The following CA10 variants were observed in gnomAD, a reference collection of about 807,000 sequenced individuals.
CA10 encodes the protein carbonic anhydrase-related protein 10.
A neutral mutation model predicts 44.2 loss-of-function variants in CA10; 14 were observed. The ratio of observed to expected loss-of-function variants is 0.32; its 90% CI spans 0.21 to 0.50. CA10 has a LOEUF of 0.50. Among genes scored for constraint, CA10 ranks in the 20% least tolerant of loss-of-function variants. The probability of loss-of-function intolerance (pLI) is 0.99; values close to 1 mark genes in which losing one functional copy is unlikely to be tolerated. For missense variants in CA10, 350 were observed against 409.7 expected, an observed-to-expected ratio of 0.85 and a Z score of 1.26; for synonymous variants, 159 against 141.6, an observed-to-expected ratio of 1.12 and a Z score of -0.87.
At chr17:51,961,388 A>C (rs1330981961) in intron 2 of CA10, among the ~76,000 whole-genome samples, 1 of 152,174 alleles carries the variant, frequency 6.6e-6, no homozygotes, top group African/African-American at 2.4e-5. Context: ...AGGTTTCCAT[A>C]TTAAAATATT....
Position 51,633,637 on chromosome 17 carries a change from C to T in CA10, c.803G>A (p.Arg268His), listed in dbSNP as rs146043972. ...AGATGGCTGGTTCTGGCTGAGCAGG[C>T]GCAAGGAATGCATCTGAGGAGAGAG... ...YITRMQMHSL[R>H]LLSQNQPSQI... The change falls in exon 8 of 9, where the codon CGC becomes CAC. Residue 268 changes from arginine to histidine, a missense_variant. Transcript: ENST00000451037. The T allele has an allele frequency of 2.8e-5, 45 of 1,613,414 alleles. No individual in the cohort carries two copies. The highest frequency in any genetic ancestry group is 8.8e-5 in the South Asian group (8 of 90,962).
intron 3 of CA10, among the ~76,000 whole-genome samples, chr17:51,760,477 T>C (rs990326376): frequency 1.1e-4 from 16 of 151,982 alleles, no homozygotes; most frequent in Admixed American, 9.8e-4. Flanking sequence ...GGTGGCGGTA[T>C]GGAGGAGCAT....
chr17:51,745,776 A>G (rs931294101), intron 4 of CA10, among the ~76,000 whole-genome samples: 2 of 152,210 alleles, frequency 1.3e-5, no homozygotes, highest in African/African-American at 4.8e-5. Context: ...AAATATTTCT[A>G]CTCTGAAGCA....
intron 1 of CA10, among the ~76,000 whole-genome samples, chr17:52,075,226 C>T (rs894447649): frequency 2.6e-5 from 4 of 152,042 alleles, no homozygotes; most frequent in Non-Finnish European, 5.9e-5. Context: ...TTATATATTT[C>T]AATATGTAAA....
At chr17:52,075,637 C>T (rs1987798846) in intron 1 of CA10, among the ~76,000 whole-genome samples, 1 of 152,086 alleles carries the variant, frequency 6.6e-6, no homozygotes, top group Admixed American at 6.6e-5. Flanking sequence ...GCATCTCTGT[C>T]CCCCTTTAGT....
At chr17:52,131,444 T>G (rs2143349390) in intron 1 of CA10, among the ~76,000 whole-genome samples, 1 of 152,330 alleles carries the variant, frequency 6.6e-6, no homozygotes, top group African/African-American at 2.4e-5. Context: ...AATTCTCTTC[T>G]GAGTGATAGT....
intron 1 of CA10, among the ~76,000 whole-genome samples, chr17:52,127,742 T>G (rs1439965224): frequency 2.0e-5 from 3 of 152,216 alleles, no homozygotes; most frequent in South Asian, 2.1e-4. Context: ...GAACTCCTTT[T>G]TAATGCTTCT....
intron 2 of CA10, among the ~76,000 whole-genome samples, chr17:52,031,366 T>G (rs1986461798): frequency 6.6e-6 from 1 of 152,026 alleles, no homozygotes; most frequent in African/African-American, 2.4e-5. Context: ...GCCAGGCTGG[T>G]CTTAAACTCC....
chr17:51,669,854 A>C (rs547399602), intron 4 of CA10, among the ~76,000 whole-genome samples: 1 of 152,168 alleles, frequency 6.6e-6, no homozygotes, highest in Non-Finnish European at 1.5e-5. Context: ...TTTGGACACA[A>C]TATGGTTTGG....
At chr17:51,727,621 A>G (rs766651926) in intron 4 of CA10, among the ~76,000 whole-genome samples, 4 of 152,268 alleles carry the variant, frequency 2.6e-5, no homozygotes, top group African/African-American at 7.2e-5. Context: ...GATAATAATG[A>G]TATTTCCTTA....
chr17:51,631,821 T>C (rs1197947615), intron 8 of CA10, among the ~76,000 whole-genome samples: 1 of 152,216 alleles, frequency 6.6e-6, no homozygotes, highest in Non-Finnish European at 1.5e-5. Flanking sequence ...AGCTGCCATA[T>C]GTGGCTACTA....
chr17:52,112,623 G>A (rs1384120424), intron 1 of CA10, among the ~76,000 whole-genome samples: 1 of 152,184 alleles, frequency 6.6e-6, no homozygotes, highest in Non-Finnish European at 1.5e-5. Context: ...TAATCATCGT[G>A]AAGAAATGAA....
At chr17:51,940,817 A>G (rs57404846) in intron 2 of CA10, among the ~76,000 whole-genome samples, 12,077 of 152,042 alleles carry the variant, frequency 0.079, 502 homozygotes, top group African/African-American at 0.097. Context: ...TAAGCCAAAC[A>G]TGTTTTCTTC....
At chr17:51,703,007 T>C (rs993738038) in intron 4 of CA10, among the ~76,000 whole-genome samples, 3 of 152,176 alleles carry the variant, frequency 2.0e-5, no homozygotes, top group African/African-American at 7.2e-5. Context: ...GTTCTGTATG[T>C]ATCCTGCTGG....
chr17:51,887,329 G>A (rs965699295), intron 3 of CA10, among the ~76,000 whole-genome samples: 1 of 152,170 alleles, frequency 6.6e-6, no homozygotes, highest in Non-Finnish European at 1.5e-5. Context: ...GGCCCACAAG[G>A]CTGAAACACA....
intron 3 of CA10, among the ~76,000 whole-genome samples, chr17:51,830,195 C>CAAAAAAAAAAAAAAAAA (rs1220410518): frequency 1.9e-4 from 17 of 89,948 alleles, no homozygotes; most frequent in African/African-American, 3.4e-4. Flanking sequence ...GACTCCATCT[C>CAAAAAAAAAAAAAAAAA]AAAAAAAAAA....
intron 4 of CA10, among the ~76,000 whole-genome samples, chr17:51,660,272 C>T (rs1260692309): frequency 4.6e-5 from 7 of 152,100 alleles, no homozygotes; most frequent in East Asian, 1.9e-4. Flanking sequence ...CTAAGGGTAA[C>T]GAAGAATTTC....
At chr17:51,844,423 A>G (rs1239894531) in intron 3 of CA10, among the ~76,000 whole-genome samples, 1 of 152,204 alleles carries the variant, frequency 6.6e-6, no homozygotes, top group Non-Finnish European at 1.5e-5. Context: ...TACCTGAAAT[A>G]TTTTTCAAAT....
At chr17:51,786,872 T>C (rs1007916055) in intron 3 of CA10, among the ~76,000 whole-genome samples, 14 of 152,278 alleles carry the variant, frequency 9.2e-5, no homozygotes, top group African/African-American at 3.4e-4. Flanking sequence ...TTTTTGAGGA[T>C]TTTTATCATG....
Sources: allele counts gnomAD v4.1 joint callset (sites outside exome capture counted in the v4.1 genomes callset), GRCh38; gene constraint gnomAD v4.1.1; transcripts MANE v1.5; gene names NCBI Gene and HGNC (gene_info 2026-07-23, HGNC 2026-07-21).